Variants in ZBTB4 observed in about 807,000 individuals in gnomAD.
The protein encoded by ZBTB4 is zinc finger and BTB domain containing 4.
Under a neutral mutation model 59.8 loss-of-function variants are expected in ZBTB4, and 14 were observed. The ratio of observed to expected loss-of-function variants is 0.23; its 90% CI spans 0.15 to 0.37. The LOEUF is 0.37. ZBTB4 is among the 10% of genes least tolerant of loss of function. The pLI is 1.00. For missense variants in ZBTB4, 1,198 were observed against 1,380.8 expected (o/e 0.87, Z 2.10); for synonymous variants, 587 against 575.2 (o/e 1.02, Z -0.29).
Position 7,462,284 on chromosome 17 carries a change from C to T in ZBTB4, c.2698G>A (p.Gly900Arg). The change falls in exon 4 of 4, where the codon GGG becomes AGG. Residue 900 changes from glycine to arginine, a missense_variant. Around this residue, in one of 9 missense-constraint regions of ZBTB4, gnomAD observed 211 missense variants for 236.1 expected, o/e 0.89. Transcript: ENST00000380599. The surrounding 1 kb of genome is among the most constrained non-coding windows in gnomAD (Gnocchi z 7.5). ...TCCATCCGGTCCCCCTCACCAGCCC[C>T]CACTGGCCCTTCACTCCCAGATTTT... ...RGKSGSEGPVGAGEGDRMEGI... is the reference protein window; with the variant it reads ...RGKSGSEGPVRAGEGDRMEGI... The T allele has an allele frequency of 1.2e-6, 2 of 1,613,812 alleles. No homozygotes were observed. Among genetic ancestry groups the T allele is most frequent in the Non-Finnish European group, 1.7e-6 (2 of 1,179,860 alleles).
intron 1 of ZBTB4, among the ~76,000 whole-genome samples, chr17:7,478,086 G>C (rs1405469482): frequency 6.6e-6 from 1 of 152,050 alleles, no homozygotes; most frequent in African/African-American, 2.4e-5. Context: ...CAGCCTGCTT[G>C]CGGCTGGCCT....
Position 7,465,963 on chromosome 17 carries a change from C to T in ZBTB4, c.839G>A (p.Gly280Glu). 6.2e-7 allele frequency: 1 copy of T among 1,601,104 alleles called. No individual in the cohort carries two copies. Among genetic ancestry groups the T allele is most frequent in the Non-Finnish European group, 8.5e-7 (1 of 1,171,366 alleles). ...AGGAGPGGPA[G>E]VDASALPPPV... ...TGGAGGCAGGGCTGAGGCGTCCACC[C>T]CTGCAGGACCACCAGGGCCAGCGCC... is the stretch of plus-strand genomic sequence containing the variant. The change falls in exon 3 of 4, where the codon GGG becomes GAG. Residue 280 changes from glycine to glutamate, a missense_variant. By Grantham distance (98) the Gly-to-Glu change is moderately conservative. This residue lies in a region of ZBTB4 where 204 missense variants were observed against 205.5 expected (regional missense o/e 0.99). Transcript: ENST00000380599.
chr17:7,473,118 T>A (rs1175566704), intron 1 of ZBTB4, among the ~76,000 whole-genome samples: 17 of 144,642 alleles, frequency 1.2e-4, no homozygotes, highest in African/African-American at 3.6e-4. Flanking sequence ...CCATTTTTTT[T>A]TTTTTTTTTT....
rs572469708 is a variant in ZBTB4 at position 7,462,120 on chromosome 17, A to G, written c.2862T>C (p.Asp954=). Residue 954 remains aspartate (D), a synonymous_variant, in exon 4 of 4, where the codon GAT becomes GAC. Coordinates refer to ENST00000380599, the MANE Select transcript of ZBTB4 (RefSeq NM_001128833.2). The surrounding 1 kb of genome is among the most constrained non-coding windows in gnomAD (Gnocchi z 7.5). The part of the protein sequence containing the change: ...LPVALNMVLP[D]EKGAGALPFL... ...AGGGAAGGGCCCCCGCACCCTTCTC[A>G]TCAGGTAGGACCATGTTGAGAGCAA... is the stretch of plus-strand genomic sequence containing the variant. 2.5e-6 allele frequency: 4 copies of G among 1,613,208 alleles called. No individual in the cohort carries two copies. Among genetic ancestry groups the G allele is most frequent in the Admixed American group, 1.7e-5 (1 of 59,898 alleles).
intron 1 of ZBTB4, among the ~76,000 whole-genome samples, chr17:7,471,561 T>G (rs1297939418): frequency 4.6e-5 from 7 of 152,216 alleles, no homozygotes; most frequent in Non-Finnish European, 8.8e-5. Flanking sequence ...GTTATTTGCC[T>G]CTGGTTTTGT....
At chr17:7,475,863 A>G (rs920182008) in intron 1 of ZBTB4, among the ~76,000 whole-genome samples, 1 of 152,190 alleles carries the variant, frequency 6.6e-6, no homozygotes, top group African/African-American at 2.4e-5. Context: ...CAGATGCTCA[A>G]TCTTTCCCTC....
chr17:7,462,128 G>A lies in ZBTB4; in HGVS notation c.2854C>T (p.Leu952=). Residue 952 remains leucine (L), a synonymous_variant, in exon 4 of 4, where the codon CTA becomes TTA. Transcript: ENST00000380599. This position sits in a 1 kb window ranked among gnomAD's most constrained non-coding sequence, Gnocchi z 7.5. Reference sequence around the variant, plus strand: ...GCCCCCGCACCCTTCTCATCAGGTAGGACCATGTTGAGAGCAACCGGGAGA... The same window carrying A: ...GCCCCCGCACCCTTCTCATCAGGTAAGACCATGTTGAGAGCAACCGGGAGA... ...AALPVALNMV[L]PDEKGAGALP... is the part of the protein sequence containing the mutation. 1.2e-6 allele frequency: 2 copies of A among 1,613,686 alleles called. No homozygotes were observed. The highest frequency in any genetic ancestry group is 1.3e-5 in the African/African-American group (1 of 75,000).
In ZBTB4 at chr17:7,466,952, G is replaced by A; in HGVS notation, c.-9-142C>T. 7.1e-7 allele frequency: 1 copy of A among 1,400,332 alleles called. No homozygotes were observed. Among genetic ancestry groups the A allele is most frequent in the Admixed American group, 2.9e-5 (1 of 34,768 alleles). 86.7% of individuals were successfully genotyped at this position (1,400,332 alleles called of 1,614,324 possible). The stretch of plus-strand genomic sequence containing the variant: ...GAATCACTTCTGGTCACAGAAGTCA[G>A]GGGTTGGCCCTTAGCCACCCAAGTC... On this transcript the variant is annotated intron_variant, in intron 2 of 3. Coordinates refer to ENST00000380599, the MANE Select transcript of ZBTB4 (RefSeq NM_001128833.2). The surrounding 1 kb of genome is among the most constrained non-coding windows in gnomAD (Gnocchi z 9.1).
upstream of ZBTB4, among the ~76,000 whole-genome samples, chr17:7,480,837 A>T (rs2070335829): frequency 1.3e-5 from 2 of 152,012 alleles, no homozygotes; most frequent in African/African-American, 4.8e-5. Context: ...CAAACTTTGG[A>T]GTCATGGAGA....
chr17:7,462,738 G>A lies in ZBTB4; in HGVS notation c.2244C>T (p.His748=), dbSNP rs769130885. Residue 748 remains histidine, a synonymous_variant, in exon 4 of 4, where the codon CAC becomes CAT. Transcript: ENST00000380599. This position sits in a 1 kb window ranked among gnomAD's most constrained non-coding sequence, Gnocchi z 7.5. ...CCCGGGAGCTGTGGGAGCCCCCACC[G>A]TGGGCCTCTTGGTGCTTCCGCAGCT... ...LRKLRKHQEA[H]GGGSHSSRAG... is the part of the protein sequence containing the mutation. The A allele has an allele frequency of 8.4e-5, 134 of 1,603,708 alleles. 1 individual carries two copies. The South Asian group carries it at 1.0e-3, about 12-fold the overall frequency.
chr17:7,478,580 G>A (rs573232260), intron 1 of ZBTB4, among the ~76,000 whole-genome samples: 11 of 152,188 alleles, frequency 7.2e-5, no homozygotes, highest in Admixed American at 2.6e-4. Context: ...GGCACCCTCC[G>A]CAACACATAC....
intron 1 of ZBTB4, among the ~76,000 whole-genome samples, chr17:7,475,513 G>A (rs1251100394): frequency 6.6e-5 from 10 of 151,808 alleles, no homozygotes; most frequent in African/African-American, 2.4e-4. Context: ...GCGCAGTGGC[G>A]TGATCTCGGC....
rs146654674 is a variant in ZBTB4 at position 7,466,358 on chromosome 17, G to A, written c.444C>T (p.Leu148=). ...DVLNFIYSAR[L]ALPGGGGDGA... ...CGTCCCCTCCACCACCAGGCAGTGC[G>A]AGCCGGGCGCTGTAGATGAAGTTGA... The change falls in exon 3 of 4, where the codon CTC becomes CTT. Residue 148 remains leucine, a synonymous_variant. Transcript: ENST00000380599. The surrounding 1 kb of genome is among the most constrained non-coding windows in gnomAD (Gnocchi z 9.1). 14 of 1,614,094 alleles carry A rather than the reference G, an allele frequency of 8.7e-6. No individual in the cohort carries two copies. The highest frequency in any genetic ancestry group is 2.2e-5 in the East Asian group (1 of 44,878).
intron 1 of ZBTB4, among the ~76,000 whole-genome samples, chr17:7,478,948 C>T (rs1248222429): frequency 6.6e-6 from 1 of 152,212 alleles, no homozygotes; most frequent in Non-Finnish European, 1.5e-5. Context: ...AACCCTGCCC[C>T]GACGGCGCGG....
At position 7,459,576 on chromosome 17, in the gene ZBTB4, GA is replaced by G. The variant is rs1312773635; in HGVS notation, c.*2363del. 2 of 152,228 alleles carry G rather than the reference GA, an allele frequency of 1.3e-5. No homozygotes were observed. The highest frequency in any genetic ancestry group is 2.9e-5 in the Non-Finnish European group (2 of 68,030). The allele number at this position is 152,228 out of a possible 1,614,324, so 9.4% of individuals were successfully genotyped here. ...CACCCGTCTTCCCAGGGAACATGGG[GA>G]AAGAGGGCACGAACTGACAAGACTT... On this transcript the variant is annotated 3_prime_UTR_variant, in exon 4 of 4. Transcript: ENST00000380599.
At chr17:7,463,993 C>G in intron 3 of ZBTB4, 103 bp from the exon 4 acceptor site, 1 of 1,501,448 alleles carries the variant, frequency 6.7e-7, no homozygotes, top group Non-Finnish European at 8.8e-7. Flanking sequence ...ACCTGTGACT[C>G]CCGTAGCCTT....
chr17:7,477,526 T>C (rs1022999548), intron 1 of ZBTB4, among the ~76,000 whole-genome samples: 6 of 152,054 alleles, frequency 3.9e-5, no homozygotes, highest in African/African-American at 1.4e-4. Flanking sequence ...ATCCTTCCAG[T>C]GGGGCCGGGC....
Position 7,466,725 on chromosome 17 carries a change from C to T in ZBTB4, c.77G>A (p.Arg26His), listed in dbSNP as rs370060823. 6.9e-6 allele frequency: 11 copies of T among 1,602,210 alleles called. No individual in the cohort carries two copies. The highest frequency in any genetic ancestry group is 2.7e-5 in the African/African-American group (2 of 74,798). ...GAGGGTGACGTCACAGAAGAGGCCA[C>T]GGAGCCGCTGTTCATTGAGCTGGCG... ...VLRQLNEQRL[R>H]GLFCDVTLIA... is the part of the protein sequence containing the mutation. The change falls in exon 3 of 4, where the codon CGT (arginine) becomes CAT (histidine). Residue 26 changes from arginine to histidine, a missense_variant. Around this residue, in one of 9 missense-constraint regions of ZBTB4, gnomAD observed 44 missense variants for 86.2 expected, o/e 0.51. Coordinates refer to ENST00000380599, the MANE Select transcript of ZBTB4 (RefSeq NM_001128833.2). This position sits in a 1 kb window ranked among gnomAD's most constrained non-coding sequence, Gnocchi z 9.1.
chr17:7,481,779 G>A (rs918923117), upstream of ZBTB4, among the ~76,000 whole-genome samples: 45 of 152,082 alleles, frequency 3.0e-4, no homozygotes, highest in Admixed American at 2.2e-3. Context: ...GATGCTCCAG[G>A]ACTGCTCACT....
Sources: allele counts gnomAD v4.1 joint callset (sites outside exome capture counted in the v4.1 genomes callset), GRCh38; gene constraint gnomAD v4.1.1; regional missense constraint gnomAD v4.1.1; non-coding constraint Gnocchi (gnomAD v3.1); transcripts MANE v1.5; gene names NCBI Gene and HGNC (gene_info 2026-07-23, HGNC 2026-07-21).